DNAH10: variants seen among roughly 807,000 people sequenced by gnomAD.
DNAH10 encodes dynein axonemal heavy chain 10, also known as axonemal beta dynein heavy chain 10.
In DNAH10, 348 loss-of-function variants were observed where a neutral mutation model predicts 506.6. The ratio of observed to expected loss-of-function variants is 0.69; its 90% CI spans 0.63 to 0.75. The LOEUF is 0.75. Ranked by LOEUF, DNAH10 falls within the 30% of genes least tolerant of loss-of-function variation. DNAH10 has a pLI of 0.00. For missense variants in DNAH10, 5,179 were observed against 5,787.1 expected (o/e 0.89, Z 3.41); for synonymous variants, 2,059 against 2,198.6 (o/e 0.94, Z 1.78).
intron 54 of DNAH10, among the ~76,000 whole-genome samples, chr12:123,896,601 G>A (rs147090995): frequency 7.4e-4 from 113 of 152,094 alleles, no homozygotes; most frequent in African/African-American, 1.9e-3. Context: ...AGAGTTAGAC[G>A]TGGTGATCGC....
chr12:123,914,187 C>A, intron 60 of DNAH10, 142 bp from the exon 61 acceptor site: 1 of 774,624 alleles, frequency 1.3e-6, no homozygotes, highest in Non-Finnish European at 2.0e-6. Context: ...GTCTCTGTTC[C>A]TCACAAGGAA....
intron 64 of DNAH10, among the ~76,000 whole-genome samples, chr12:123,918,429 G>C (rs1954580638): frequency 6.6e-6 from 1 of 152,256 alleles, no homozygotes; most frequent in Admixed American, 6.5e-5. Context: ...GGGAAGAAAA[G>C]GGAGAGGGCA....
chr12:123,887,288 G>A lies in DNAH10; in HGVS notation c.8970G>A (p.Glu2990=), dbSNP rs142087355. 5,626 of 1,613,812 alleles carry A rather than the reference G, an allele frequency of 3.5e-3. 23 individuals carry two copies. Among genetic ancestry groups the A allele is most frequent in the Non-Finnish European group, 4.3e-3 (5,103 of 1,179,838 alleles). Residue 2990 remains glutamate, a synonymous_variant, in exon 52 of 79, where the codon GAG becomes GAA. Transcript: ENST00000673944. ...ATGTGGCTGAGGAGGGCTTCCTGGA[G>A]CTCATCAACAACATGCTGACCTCAG... ...DAHVAEEGFL[E]LINNMLTSGI...
Position 123,809,375 on chromosome 12 carries a change from G to A in DNAH10, c.3144+422G>A, listed in dbSNP as rs545158662. Among the ~76,000 whole-genome samples the A allele has an allele frequency of 3.3e-5, 5 of 152,304 alleles. No homozygotes were observed. The South Asian group carries it at 6.2e-4, about 19-fold the overall frequency. On this transcript the variant is annotated intron_variant, in intron 19 of 78. Transcript: ENST00000673944. The stretch of plus-strand genomic sequence containing the variant: ...ACAAATACAAATCAGGCCAGGTGCA[G>A]TGGCTCACGCCTGTTATCCTAGCAC...
chr12:123,780,654 A>G (rs958718428), intron 5 of DNAH10, among the ~76,000 whole-genome samples: 3 of 152,008 alleles, frequency 2.0e-5, no homozygotes, highest in Middle Eastern at 6.8e-3. Flanking sequence ...TTTGTATCTC[A>G]ATATAAAAGA....
chr12:123,771,661 A>G lies in DNAH10; in HGVS notation c.359A>G (p.Glu120Gly). 1 of 1,613,390 alleles carries G rather than the reference A, an allele frequency of 6.2e-7. No homozygotes were observed. Among genetic ancestry groups the G allele is most frequent in the Non-Finnish European group, 8.5e-7 (1 of 1,179,686 alleles). The change falls in exon 3 of 79, where the codon GAA becomes GGA. Residue 120 changes from glutamate to glycine, a missense_variant. Around this residue, in one of 3 missense-constraint regions of DNAH10, gnomAD observed 326 missense variants for 330.8 expected, o/e 0.99. Coordinates refer to ENST00000673944, the MANE Select transcript of DNAH10 (RefSeq NM_001372106.1). Reference protein sequence around the residue: ...LGQPLNREDEEMDKEISEKLP... With the variant: ...LGQPLNREDEGMDKEISEKLP... ...CAACCTCTAAACAGAGAGGATGAAG[A>G]AATGGACAAAGAGATTTCAGAAAAA...
intron 19 of DNAH10, among the ~76,000 whole-genome samples, chr12:123,809,904 G>C (rs908820087): frequency 2.6e-5 from 4 of 152,150 alleles, no homozygotes; most frequent in Non-Finnish European, 5.9e-5. Context: ...CCTCTTGCAA[G>C]GATCTCCATA....
chr12:123,838,519 A>G lies in DNAH10; in HGVS notation c.4966A>G (p.Ser1656Gly). The change falls in exon 29 of 79, where the codon AGT becomes GGT. Residue 1656 changes from serine (S) to glycine (G), a missense_variant. By Grantham distance (56) the Ser-to-Gly change is moderately conservative. Transcript: ENST00000673944. ...KRCCEAPNRL[S>G]DLQNVSEGLE... ...GTGCTGTGAAGCCCCAAACCGCCTCAGTGACCTACAGAACGTCAGCGAGGG... is the reference window on the plus strand; with the variant it reads ...GTGCTGTGAAGCCCCAAACCGCCTCGGTGACCTACAGAACGTCAGCGAGGG... The G allele has an allele frequency of 6.2e-7, 1 of 1,614,048 alleles. No homozygotes were observed. Among genetic ancestry groups the G allele is most frequent in the Non-Finnish European group, 8.5e-7 (1 of 1,179,900 alleles).
intron 77 of DNAH10, 108 bp downstream of exon 77, chr12:123,933,619 CA>C: frequency 7.6e-7 from 1 of 1,323,706 alleles, no homozygotes; most frequent in South Asian, 1.5e-5. Context: ...TGGGCCAGGC[CA>C]TGTTTGAAAG....
chr12:123,839,461 A>G (rs1232684536), intron 29 of DNAH10, among the ~76,000 whole-genome samples: 1 of 152,130 alleles, frequency 6.6e-6, no homozygotes, highest in Non-Finnish European at 1.5e-5. Context: ...CTGTTGTAAA[A>G]ATGAAATGAG....
intron 9 of DNAH10, among the ~76,000 whole-genome samples, chr12:123,786,449 C>T (rs1329478586): frequency 6.6e-6 from 1 of 151,080 alleles, no homozygotes. Flanking sequence ...AGCAGTCAGT[C>T]CTCGCCTCTC....
intron 49 of DNAH10, 64 bp downstream of exon 49, chr12:123,879,421 T>C: frequency 6.5e-7 from 1 of 1,534,084 alleles, no homozygotes; most frequent in Non-Finnish European, 8.8e-7. Context: ...GCGCCAAAAG[T>C]GTTTTTTATA....
In DNAH10 at chr12:123,813,495, T is replaced by C. The variant is rs751107798; in HGVS notation, c.3476T>C (p.Ile1159Thr). The C allele has an allele frequency of 1.2e-6, 2 of 1,614,048 alleles. No homozygotes were observed. Among genetic ancestry groups the C allele is most frequent in the Admixed American group, 1.7e-5 (1 of 60,004 alleles). ...TATGAGGTTATGCGCCACCCTCTAA[T>C]TAAGGATGAGCATTGCATCAGACTT... ...IAYEVMRHPL[I>T]KDEHCIRLQL... Residue 1159 changes from isoleucine to threonine, a missense_variant, in exon 20 of 79, where the codon ATT becomes ACT. Transcript: ENST00000673944.
At chr12:123,892,396 C>A (rs887598338) in intron 52 of DNAH10, among the ~76,000 whole-genome samples, 1 of 152,152 alleles carries the variant, frequency 6.6e-6, no homozygotes, top group Non-Finnish European at 1.5e-5. Flanking sequence ...ACAAGAACAG[C>A]ACTAAGAGGA....
At chr12:123,767,210 C>T (rs927361683) in intron 1 of DNAH10, among the ~76,000 whole-genome samples, 7 of 152,158 alleles carry the variant, frequency 4.6e-5, no homozygotes, top group Non-Finnish European at 8.8e-5. Context: ...GCCTGGCCTC[C>T]TTCAGTTTTT....
intron 5 of DNAH10, among the ~76,000 whole-genome samples, chr12:123,777,490 T>C (rs11835233): frequency 0.74 from 112,013 of 151,884 alleles, 41,974 homozygotes; most frequent in East Asian, 1. Context: ...GTACAAGTCA[T>C]CCTGTGAGTT....
chr12:123,914,372 C>G lies in DNAH10; in HGVS notation c.10396C>G (p.Leu3466Val), dbSNP rs376976812. 6.2e-7 allele frequency: 1 copy of G among 1,613,402 alleles called. No individual in the cohort carries two copies. Among genetic ancestry groups the G allele is most frequent in the African/African-American group, 1.3e-5 (1 of 75,058 alleles). ...TGAGCTGATGCACCGGCGCGTGAAG[C>G]TGCTGGGGGACTGCCTGCTCTGCGC... ...LDELMHRRVKLLGDCLLCAAF... is the reference protein window; with the variant it reads ...LDELMHRRVKVLGDCLLCAAF... The change falls in exon 61 of 79, where the codon CTG becomes GTG. Residue 3466 changes from leucine to valine, a missense_variant. By Grantham distance (32) the Leu-to-Val change is conservative. Transcript: ENST00000673944.
chr12:123,873,458 C>T, intron 45 of DNAH10, 100 bp from the exon 46 acceptor site: 2 of 1,401,406 alleles, frequency 1.4e-6, no homozygotes, highest in Non-Finnish European at 1.9e-6. Flanking sequence ...AGTTCAGAGG[C>T]CAATGGATTT....
At chr12:123,791,056 G>T (rs1958060734) in intron 11 of DNAH10, among the ~76,000 whole-genome samples, 1 of 152,112 alleles carries the variant, frequency 6.6e-6, no homozygotes, top group East Asian at 1.9e-4. Flanking sequence ...CAACCTGGGA[G>T]GCTGAGGTCA....
Sources: allele counts gnomAD v4.1 joint callset (sites outside exome capture counted in the v4.1 genomes callset), GRCh38; gene constraint gnomAD v4.1.1; regional missense constraint gnomAD v4.1.1; transcripts MANE v1.5; gene names NCBI Gene and HGNC (gene_info 2026-07-23, HGNC 2026-07-21).